Variants in ZNF114 observed in about 807,000 individuals in gnomAD.
ZNF114 encodes the protein zinc finger protein 114.
A neutral mutation model predicts 6.8 loss-of-function variants in ZNF114; 8 were observed. The ratio of observed to expected loss-of-function variants is 1.18; its 90% CI spans 0.69 to 2.13. The LOEUF (loss-of-function observed/expected upper bound fraction) is 2.13, where lower values mean the gene tolerates loss of function less well. ZNF114 is among the 30% of genes most tolerant of loss of function. The pLI is 0.00. For synonymous variants in ZNF114, 169 were observed against 185.5 expected, an observed-to-expected ratio of 0.91 and a Z score of 0.72; for missense variants, 472 against 519.5, an observed-to-expected ratio of 0.91 and a Z score of 0.89.
intron 3 of ZNF114, among the ~76,000 whole-genome samples, chr19:48,277,794 G>GGTGGGGGTGTGT (rs1555876488): frequency 8.4e-6 from 1 of 119,338 alleles, no homozygotes; most frequent in African/African-American, 3.3e-5. Context: ...GGAGGCATTG[G>GGTGGGGGTGTGT]GTGTGTGTGT....
At chr19:48,284,777 T>G (rs1193654504) in intron 5 of ZNF114, among the ~76,000 whole-genome samples, 1 of 152,164 alleles carries the variant, frequency 6.6e-6, no homozygotes, top group East Asian at 1.9e-4. Flanking sequence ...ATTTTCATTT[T>G]TCCCTGCTAA....
At chr19:48,284,524 G>A (rs552903933) in intron 5 of ZNF114, among the ~76,000 whole-genome samples, 47 of 152,250 alleles carry the variant, frequency 3.1e-4, no homozygotes, top group Non-Finnish European at 2.4e-4. Context: ...TCTGCCTGCC[G>A]GATTCAAGTG....
In ZNF114 at chr19:48,285,797, C is replaced by T. The variant is rs1282396459; in HGVS notation, c.173C>T (p.Pro58Leu). 1 of 1,612,906 alleles carries T rather than the reference C, an allele frequency of 6.2e-7. No homozygotes were observed. The highest frequency in any genetic ancestry group is 1.3e-5 in the African/African-American group (1 of 74,958). ...ATPCKTKDAT[P>L]QPDILPKRTF... The stretch of plus-strand genomic sequence containing the variant: ...CCATGTAAAACCAAAGACGCAACCC[C>T]TCAGCCGGATATTCTTCCTAAAAGA... Residue 58 changes from proline (P) to leucine (L), a missense_variant, in exon 6 of 6, where the codon CCT becomes CTT. Transcript: ENST00000595607.
chr19:48,279,448 G>A (rs1040992461), intron 3 of ZNF114, among the ~76,000 whole-genome samples: 2 of 120,780 alleles, frequency 1.7e-5, no homozygotes, highest in African/African-American at 6.4e-5. Context: ...TGTGTGGGGG[G>A]CGGGGGTGGG....
chr19:48,286,365 G>A lies in ZNF114; in HGVS notation c.741G>A (p.Met247Ile). The A allele has an allele frequency of 6.2e-7, 1 of 1,614,182 alleles. No homozygotes were observed. The highest frequency in any genetic ancestry group is 8.5e-7 in the Non-Finnish European group (1 of 1,180,046). ...ACAACACTCATGGTCGAGAGAAAAT[G>A]TATGATTTTACTCAGTGCGAGAACA... ...RAHNTHGREK[M>I]YDFTQCENTS... Residue 247 changes from methionine (M) to isoleucine (I), a missense_variant, in exon 6 of 6, where the codon ATG becomes ATA. By Grantham distance (10) the Met-to-Ile change is conservative. Coordinates refer to ENST00000595607, the MANE Select transcript of ZNF114 (RefSeq NM_153608.4).
Position 48,285,764 on chromosome 19 carries a change from G to T in ZNF114, c.140G>T (p.Trp47Leu). 1 of 1,603,786 alleles carries T rather than the reference G, an allele frequency of 6.2e-7. No individual in the cohort carries two copies. The highest frequency in any genetic ancestry group is 8.5e-7 in the Non-Finnish European group (1 of 1,176,304). ...ENSRNLAFID[W>L]ATPCKTKDAT... Reference sequence around the variant, plus strand: ...CTTTTGTGCCACTGTATTTCAGATTGGGCAACTCCATGTAAAACCAAAGAC... The same window carrying T: ...CTTTTGTGCCACTGTATTTCAGATTTGGCAACTCCATGTAAAACCAAAGAC... Residue 47 changes from tryptophan to leucine, a missense_variant, in exon 6 of 6, where the codon TGG becomes TTG. Coordinates refer to ENST00000595607, the MANE Select transcript of ZNF114 (RefSeq NM_153608.4).
chr19:48,286,189 T>C lies in ZNF114; in HGVS notation c.565T>C (p.Cys189Arg). 6.2e-7 allele frequency: 1 copy of C among 1,614,026 alleles called. No homozygotes were observed. The highest frequency in any genetic ancestry group is 2.2e-5 in the East Asian group (1 of 44,886). The change falls in exon 6 of 6, where the codon TGT (cysteine) becomes CGT (arginine). Residue 189 changes from cysteine (C) to arginine (R), a missense_variant. Cys to Arg is a radical substitution (Grantham distance 180, BLOSUM62 -3). Transcript: ENST00000595607. ...GGGGTGGAACATTCAGTGGGTTCCG[T>C]GTGGGAGAAAAACAGAGCTGAAATC... Reference protein sequence around the residue: ...VLGWNIQWVPCGRKTELKSST... With the variant: ...VLGWNIQWVPRGRKTELKSST...
In ZNF114 at chr19:48,286,558, G is replaced by A. The variant is rs1968136509; in HGVS notation, c.934G>A (p.Ala312Thr). 8 of 1,614,102 alleles carry A rather than the reference G, an allele frequency of 5.0e-6. No individual in the cohort carries two copies. The highest frequency in any genetic ancestry group is 6.8e-6 in the Non-Finnish European group (8 of 1,180,034). The change falls in exon 6 of 6, where the codon GCC becomes ACC. Residue 312 changes from alanine to threonine, a missense_variant. Ala to Thr is a moderately conservative substitution (Grantham distance 58). Coordinates refer to ENST00000595607, the MANE Select transcript of ZNF114 (RefSeq NM_153608.4). ...KTHKCPECGR[A>T]FFYQSFLMRH... ...CCATAAATGCCCCGAATGTGGGAGA[G>A]CCTTTTTTTATCAGTCATTCCTTAT... is the stretch of plus-strand genomic sequence containing the variant.
At position 48,286,027 on chromosome 19, in the gene ZNF114, A is replaced by C; in HGVS notation, c.403A>C (p.Thr135Pro). The change falls in exon 6 of 6, where the codon ACC (threonine) becomes CCC (proline). Residue 135 changes from threonine to proline, a missense_variant. Coordinates refer to ENST00000595607, the MANE Select transcript of ZNF114 (RefSeq NM_153608.4). ...TGAAATGAGGAACCACTCTAAACCT[A>C]CCTGCAGGCTTGTGCCTTCACAGGG... is the stretch of plus-strand genomic sequence containing the variant. ...DHEMRNHSKP[T>P]CRLVPSQGDS... The C allele has an allele frequency of 6.2e-7, 1 of 1,613,952 alleles. No homozygotes were observed. The highest frequency in any genetic ancestry group is 8.5e-7 in the Non-Finnish European group (1 of 1,180,046).
intron 4 of ZNF114, chr19:48,281,740 G>A (rs1422576847): frequency 2.0e-5 from 3 of 151,420 alleles, no homozygotes; most frequent in African/African-American, 7.3e-5. Flanking sequence ...GCCCAAGCTG[G>A]TCTTGAACTC....
Position 48,274,874 on chromosome 19 carries a change from C to T in ZNF114, c.-70+3046C>T, listed in dbSNP as rs116780578. Among the ~76,000 whole-genome samples, 1,209 of 152,238 alleles carry T rather than the reference C, an allele frequency of 7.9e-3. 24 individuals carry two copies. The highest frequency in any genetic ancestry group is 0.028 in the African/African-American group (1,159 of 41,566). ...GTTTCTCTTCCAGGGCTCACACCCT[C>T]GAACTTGCCTCCCTTTGTTCATGAC... On this transcript the variant is annotated intron_variant, in intron 3 of 5. Coordinates refer to ENST00000595607, the MANE Select transcript of ZNF114 (RefSeq NM_153608.4).
Position 48,287,160 on chromosome 19 carries a change from C to T in ZNF114, c.*282C>T, listed in dbSNP as rs144921134. ...CGTGGTCTCAAATTCATGGTTCATA[C>T]AAGAACTCACACTGCAGAGACTCCT... On this transcript the variant is annotated 3_prime_UTR_variant, in exon 6 of 6. Transcript: ENST00000595607. The T allele has an allele frequency of 3.6e-4, 85 of 233,102 alleles. No individual in the cohort carries two copies. The highest frequency in any genetic ancestry group is 1.7e-3 in the African/African-American group (76 of 43,902). The allele number at this position is 233,102 out of a possible 1,614,324, so 14.4% of individuals were successfully genotyped here.
chr19:48,270,522 GGAGA>G (rs906100397), intron 1 of ZNF114, among the ~76,000 whole-genome samples: 1 of 137,632 alleles, frequency 7.3e-6, no homozygotes, highest in Admixed American at 7.4e-5. Context: ...AGAAAGGGAG[GGAGA>G]GAGAGAAAGG....
chr19:48,276,231 C>T (rs1967828650), intron 3 of ZNF114, among the ~76,000 whole-genome samples: 1 of 151,642 alleles, frequency 6.6e-6, no homozygotes, highest in South Asian at 2.1e-4. Flanking sequence ...AGGCGTGTGC[C>T]ACCACACCCG....
intron 5 of ZNF114, 113 bp downstream of exon 5, chr19:48,282,610 G>A (rs1968020673): frequency 5.3e-6 from 7 of 1,313,226 alleles, no homozygotes; most frequent in Non-Finnish European, 6.1e-6. Flanking sequence ...CAGAGACACA[G>A]CTGCTGCCCC....
intron 1 of ZNF114, among the ~76,000 whole-genome samples, chr19:48,270,807 G>T (rs553351930): frequency 2.6e-5 from 4 of 152,014 alleles, no homozygotes; most frequent in African/African-American, 7.2e-5. Context: ...GGCCGGGCGC[G>T]GTGGCTCACG....
intron 3 of ZNF114, 72 bp from the exon 4 acceptor site, chr19:48,279,659 C>A: frequency 1.9e-6 from 2 of 1,045,298 alleles, no homozygotes; most frequent in Non-Finnish European, 2.9e-6. Flanking sequence ...AGATTAATGT[C>A]AGGCAGGATC....
At chr19:48,284,550 C>A (rs1369168015) in intron 5 of ZNF114, among the ~76,000 whole-genome samples, 1 of 152,106 alleles carries the variant, frequency 6.6e-6, no homozygotes, top group Admixed American at 6.6e-5. Context: ...CCTGCCTCAG[C>A]CCCCTGAGTA....
At chr19:48,279,883 G>A in intron 4 of ZNF114, 75 bp downstream of exon 4, 2 of 1,610,250 alleles carry the variant, frequency 1.2e-6, no homozygotes, top group Non-Finnish European at 1.7e-6. Context: ...CCTGTGGCTG[G>A]GAGTCAGGTA....
Sources: allele counts gnomAD v4.1 joint callset (sites outside exome capture counted in the v4.1 genomes callset), GRCh38; gene constraint gnomAD v4.1.1; transcripts MANE v1.5; gene names NCBI Gene and HGNC (gene_info 2026-07-23, HGNC 2026-07-21).